Variants in RASAL2 observed in about 807,000 individuals in gnomAD.
RASAL2 encodes ras GTPase-activating protein nGAP.
In RASAL2, 58 loss-of-function variants were observed where a neutral mutation model predicts 128.9. The observed-to-expected ratio is 0.45, with a 90% confidence interval of 0.36 to 0.56. The LOEUF is 0.56. Among genes scored for constraint, RASAL2 ranks in the 20% least tolerant of loss-of-function variants. RASAL2 has a pLI of 0.00. For missense variants in RASAL2, 1,360 were observed against 1,601.6 expected (o/e 0.85, Z 2.57); for synonymous variants, 561 against 580.8 (o/e 0.97, Z 0.49).
intron 4 of RASAL2, among the ~76,000 whole-genome samples, chr1:178,416,980 GTT>G (rs57449533): frequency 7.0e-6 from 1 of 143,036 alleles, no homozygotes; most frequent in Non-Finnish European, 1.5e-5. Flanking sequence ...TTCTTTTAGG[GTT>G]TTTTTTTTTG....
chr1:178,252,645 G>A (rs1007650476), intron 1 of RASAL2, among the ~76,000 whole-genome samples: 6 of 152,046 alleles, frequency 3.9e-5, no homozygotes, highest in Non-Finnish European at 8.8e-5. Flanking sequence ...ACAGTTTTTG[G>A]CCTATAAAGC....
intron 12 of RASAL2, chr1:178,456,431 T>C: frequency 2.1e-6 from 1 of 476,244 alleles, no homozygotes; most frequent in Non-Finnish European, 3.8e-6. Context: ...ATGGCATTAG[T>C]TTGGTAGTTT....
At chr1:178,182,342 C>A (rs1412790182) in intron 1 of RASAL2, among the ~76,000 whole-genome samples, 1 of 152,130 alleles carries the variant, frequency 6.6e-6, no homozygotes, top group Non-Finnish European at 1.5e-5. Flanking sequence ...CTGTTCCAGT[C>A]CTGTAATGAG....
intron 1 of RASAL2, among the ~76,000 whole-genome samples, chr1:178,131,074 ACAAAAAAAAC>A (rs1478017511): frequency 9.3e-5 from 14 of 150,780 alleles, no homozygotes; most frequent in African/African-American, 3.2e-4. Flanking sequence ...CAAAAAAAAA[ACAAAAAAAAC>A]CAAAAAAAAA....
At chr1:178,255,052 C>CA (rs1177311205) in intron 1 of RASAL2, among the ~76,000 whole-genome samples, 2 of 151,742 alleles carry the variant, frequency 1.3e-5, no homozygotes, top group South Asian at 2.1e-4. Flanking sequence ...CAAAAAAACC[C>CA]AAAAAAACTG....
Position 178,196,999 on chromosome 1 carries a change from A to G in RASAL2, c.203-86565A>G, listed in dbSNP as rs571170169. Among the ~76,000 whole-genome samples the G allele has an allele frequency of 2.6e-5, 4 of 152,334 alleles. No individual in the cohort carries two copies. The East Asian group carries it at 7.7e-4, about 29-fold the overall frequency. ...CTGTAAATTGGTAGAAGCCCTTTGA[A>G]AAATACCTTGACATTACCTATTAAA... On this transcript the variant is annotated intron_variant, in intron 1 of 17. Transcript: ENST00000367649.
intron 1 of RASAL2, among the ~76,000 whole-genome samples, chr1:178,175,001 A>G: frequency 6.6e-6 from 1 of 152,186 alleles, no homozygotes; most frequent in Non-Finnish European, 1.5e-5. Flanking sequence ...AGATAGAATC[A>G]TATAGTACAT....
At chr1:178,260,366 ATATATATATATATATATATATATAT>A (rs1557861638) in intron 1 of RASAL2, among the ~76,000 whole-genome samples, 6,069 of 19,294 alleles carry the variant, frequency 0.31, 1,680 homozygotes, top group Non-Finnish European at 0.37. Flanking sequence ...AAAAAAAAAT[ATATATATATATATATATATATATAT>A]ATATATATAT....
intron 1 of RASAL2, among the ~76,000 whole-genome samples, chr1:178,150,804 C>T (rs974595740): frequency 2.0e-5 from 3 of 152,080 alleles, no homozygotes; most frequent in Admixed American, 6.5e-5. Context: ...TTTGAGTCAC[C>T]AGTCATTCAT....
At chr1:178,282,370 T>A (rs974459420) in intron 1 of RASAL2, among the ~76,000 whole-genome samples, 1 of 152,186 alleles carries the variant, frequency 6.6e-6, no homozygotes, top group African/African-American at 2.4e-5. Context: ...TACGTAGTTC[T>A]ATGAAGAGAG....
intron 2 of RASAL2, among the ~76,000 whole-genome samples, chr1:178,291,462 G>C (rs1165533209): frequency 6.6e-6 from 1 of 152,220 alleles, no homozygotes; most frequent in Non-Finnish European, 1.5e-5. Flanking sequence ...GATTGCTGCA[G>C]TAGACCAGGT....
chr1:178,375,732 A>G (rs1671954902), intron 3 of RASAL2, among the ~76,000 whole-genome samples: 1 of 152,184 alleles, frequency 6.6e-6, no homozygotes. Flanking sequence ...GGAATGGGGA[A>G]CAAAATGAAT....
intron 1 of RASAL2, among the ~76,000 whole-genome samples, chr1:178,129,136 A>G (rs184176449): frequency 1.9e-4 from 29 of 152,170 alleles, no homozygotes; most frequent in African/African-American, 6.3e-4. Flanking sequence ...TAGTCACTCT[A>G]TGTTTAACCT....
chr1:178,199,152 C>G (rs1029518779), intron 1 of RASAL2, among the ~76,000 whole-genome samples: 1 of 152,216 alleles, frequency 6.6e-6, no homozygotes. Flanking sequence ...TTGCTAAGAC[C>G]ACTGGAAAAG....
chr1:178,302,134 T>G (rs899292052), intron 3 of RASAL2, among the ~76,000 whole-genome samples: 2 of 152,230 alleles, frequency 1.3e-5, no homozygotes, highest in Admixed American at 6.5e-5. Context: ...GTTCTGTTTT[T>G]TTATTGTTAT....
intron 1 of RASAL2, among the ~76,000 whole-genome samples, chr1:178,258,175 T>A (rs922126707): frequency 1.3e-5 from 2 of 151,300 alleles, no homozygotes; most frequent in Non-Finnish European, 2.9e-5. Flanking sequence ...GCACCTGTAG[T>A]CCCAGCTACT....
chr1:178,346,846 A>G (rs1027055451), intron 3 of RASAL2, among the ~76,000 whole-genome samples: 1 of 152,184 alleles, frequency 6.6e-6, no homozygotes. Context: ...CTCCCTTGTA[A>G]ACATTTTTTA....
intron 1 of RASAL2, among the ~76,000 whole-genome samples, chr1:178,175,346 C>A (rs1231205817): frequency 1.3e-5 from 2 of 151,778 alleles, no homozygotes; most frequent in Non-Finnish European, 2.9e-5. Context: ...CGTCTTCTAA[C>A]CTAGACTTCC....
intron 3 of RASAL2, among the ~76,000 whole-genome samples, chr1:178,364,716 A>G (rs1008370349): frequency 6.6e-6 from 1 of 152,190 alleles, no homozygotes; most frequent in Non-Finnish European, 1.5e-5. Flanking sequence ...TTAGGTAGCT[A>G]CTATTTGCTT....
Sources: gnomAD v4.1 joint callset for allele counts (sites outside exome capture counted in the v4.1 genomes callset) on GRCh38, gnomAD v4.1.1 for gene constraint, MANE v1.5 for transcripts, NCBI Gene and HGNC (gene_info 2026-07-23, HGNC 2026-07-21) for gene names.